RFC2: variants seen among roughly 807,000 people sequenced by gnomAD.
RFC2 encodes the protein A1 40 kDa subunit.
Under a neutral mutation model 44.8 loss-of-function variants are expected in RFC2, and 34 were observed. The ratio of observed to expected loss-of-function variants is 0.76; its 90% confidence interval spans 0.58 to 1.01. RFC2 has a LOEUF of 1.01. Among genes scored for constraint, RFC2 ranks in the 50% least tolerant of loss-of-function variants. The probability of loss-of-function intolerance (pLI) is 0.00; values close to 1 mark genes in which losing one functional copy is unlikely to be tolerated. For missense variants in RFC2, 400 were observed against 453.6 expected (o/e 0.88, Z 1.07); for synonymous variants, 177 against 168.9 (o/e 1.05, Z -0.37).
intron 10 of RFC2, among the ~76,000 whole-genome samples, chr7:74,232,494 C>T (rs1042255535): frequency 1.3e-5 from 2 of 152,080 alleles, no homozygotes; most frequent in African/African-American, 4.8e-5. Flanking sequence ...GGTGGTGGCA[C>T]GGAAAGCCAG....
At chr7:74,250,652 C>A (rs572172467) in intron 2 of RFC2, among the ~76,000 whole-genome samples, 1 of 152,258 alleles carries the variant, frequency 6.6e-6, no homozygotes, top group Non-Finnish European at 1.5e-5. Flanking sequence ...CCCTTCTCTC[C>A]ATCCCGGCTA....
chr7:74,244,696 A>C (rs1803503673), intron 5 of RFC2, among the ~76,000 whole-genome samples: 1 of 151,430 alleles, frequency 6.6e-6, no homozygotes, highest in Non-Finnish European at 1.5e-5. Flanking sequence ...CGCCAGGCAC[A>C]GCACCTCATG....
At chr7:74,234,432 A>G (rs1802893547) in intron 10 of RFC2, among the ~76,000 whole-genome samples, 1 of 152,144 alleles carries the variant, frequency 6.6e-6, no homozygotes, top group South Asian at 2.1e-4. Context: ...ATTTTACTCT[A>G]TGTAAATTAA....
At chr7:74,246,535 CTAT>C (rs1563996214) in intron 5 of RFC2, 124 bp downstream of exon 5, 2 of 569,034 alleles carry the variant, frequency 3.5e-6, no homozygotes, top group Non-Finnish European at 6.3e-6. Context: ...GTGCAGGCCC[CTAT>C]TAAATTGCTT....
rs200147928 is a variant in RFC2, at chr7:74,247,292, GA to G, written c.333-530del. Among the ~76,000 whole-genome samples, 41 of 152,126 alleles carry G rather than the reference GA, an allele frequency of 2.7e-4. No homozygotes were observed. The East Asian group carries it at 6.0e-3, about 22-fold the overall frequency. On this transcript the variant is annotated intron_variant, in intron 4 of 10. Transcript: ENST00000055077. Reference sequence around the variant, plus strand: ...ATTTTTCATTCTCTACCCACAACAGGAAAGAGAAAAAAATTGAGAGGAGGAC... The same window carrying G: ...ATTTTTCATTCTCTACCCACAACAGGAAGAGAAAAAAATTGAGAGGAGGAC...
chr7:74,251,373 T>G (rs916277196), intron 2 of RFC2, among the ~76,000 whole-genome samples: 2 of 152,058 alleles, frequency 1.3e-5, no homozygotes, highest in Admixed American at 6.5e-5. Flanking sequence ...AATTTTTTCG[T>G]AGAGACTGGT....
rs1194708280 is a variant in RFC2 at position 74,238,120 on chromosome 7, C to T, written c.760-678G>A. 3.3e-5 allele frequency among the ~76,000 whole-genome samples: 5 copies of T among 152,002 alleles called. No homozygotes were observed. The East Asian group carries it at 5.8e-4, about 18-fold the overall frequency. ...TGACCCTCCAAGACAAAACAGGGCC[C>T]GAACCATCACCCCTGTTTCTGAGCG... is the stretch of plus-strand genomic sequence containing the variant. On this transcript the variant is annotated intron_variant, in intron 8 of 10. Coordinates refer to ENST00000055077, the MANE Select transcript of RFC2 (RefSeq NM_181471.3). The surrounding 1 kb of genome is among the most constrained non-coding windows in gnomAD (Gnocchi z 4.0).
At position 74,238,780 on chromosome 7, in the gene RFC2, A is replaced by C; in HGVS notation, c.759+143T>G. 3 of 650,650 alleles carry C rather than the reference A, an allele frequency of 4.6e-6. No individual in the cohort carries two copies. The highest frequency in any genetic ancestry group is 8.3e-6 in the Non-Finnish European group (3 of 362,348). 40.3% of individuals were successfully genotyped at this position (650,650 alleles called of 1,614,324 possible). On this transcript the variant is annotated intron_variant, in intron 8 of 10. Transcript: ENST00000055077. The surrounding 1 kb of genome is among the most constrained non-coding windows in gnomAD (Gnocchi z 4.0). The stretch of plus-strand genomic sequence containing the variant: ...AGCAAAGCAGCAATAGGGAGAGGAC[A>C]GACGGGAGCAGGGTGGGCTCCCTGG...
At chr7:74,253,276 A>G (rs1160750222) in intron 1 of RFC2, among the ~76,000 whole-genome samples, 1 of 150,626 alleles carries the variant, frequency 6.6e-6, no homozygotes, top group Non-Finnish European at 1.5e-5. Flanking sequence ...GCTGGAGTGC[A>G]ATGGTGCGAT....
chr7:74,237,969 G>A (rs1397456870), intron 8 of RFC2, among the ~76,000 whole-genome samples: 2 of 152,144 alleles, frequency 1.3e-5, no homozygotes, highest in African/African-American at 4.8e-5. Flanking sequence ...AGTGGCATGA[G>A]GCTCTGCCTC....
intron 4 of RFC2, among the ~76,000 whole-genome samples, chr7:74,247,799 A>C (rs1203716086): frequency 1.3e-5 from 2 of 152,196 alleles, no homozygotes; most frequent in Non-Finnish European, 2.9e-5. Context: ...ATTTTCCCTA[A>C]CTGAAGAATC....
In RFC2 at chr7:74,239,991, T is replaced by C. The variant is rs1554719001; in HGVS notation, c.640A>G (p.Thr214Ala). The change falls in exon 7 of 11, where the codon ACT (threonine) becomes GCT (alanine). Residue 214 changes from threonine (T) to alanine (A), a missense_variant. By Grantham distance (58) the Thr-to-Ala change is moderately conservative. Transcript: ENST00000055077. ...NVIEKERVPY[T>A]DDGLEAIIFT... is the part of the protein sequence containing the mutation. ...ATGATGGCTTCTAGGCCGTCATCAG[T>C]GTAGGGTACCCTCTCCTTCTCGATA... The C allele has an allele frequency of 7.4e-6, 12 of 1,613,584 alleles. No individual in the cohort carries two copies. The highest frequency in any genetic ancestry group is 9.3e-6 in the Non-Finnish European group (11 of 1,179,826).
rs571759445 is a variant in RFC2, at chr7:74,252,462, A to G, written c.150T>C (p.Ile50=). 1.2e-6 allele frequency: 2 copies of G among 1,609,358 alleles called. No homozygotes were observed. Among genetic ancestry groups the G allele is most frequent in the African/African-American group, 2.7e-5 (2 of 74,826 alleles). Residue 50 remains isoleucine (I), a synonymous_variant, in exon 2 of 11, where the codon ATT becomes ATC. Transcript: ENST00000055077. ...EKYRPVKLNE[I]VGNEDTVSRL... ...TGCTCACGGTGTCTTCATTCCCGAC[A>G]ATTTCATTCAGCTTTACTGGCCTAT...
chr7:74,238,866 G>A lies in RFC2; in HGVS notation c.759+57C>T. ...CCAGCCCAGCCCTTCAGCCCCACTG[G>A]CCCCCACAGGGAAGCACGGCTTCTG... is the stretch of plus-strand genomic sequence containing the variant. On this transcript the variant is annotated intron_variant, in intron 8 of 10. Transcript: ENST00000055077. This position sits in a 1 kb window ranked among gnomAD's most constrained non-coding sequence, Gnocchi z 4.0. The A allele has an allele frequency of 7.1e-7, 1 of 1,411,390 alleles. No individual in the cohort carries two copies. The highest frequency in any genetic ancestry group is 1.0e-6 in the Non-Finnish European group (1 of 996,388). The allele number at this position is 1,411,390 out of a possible 1,614,324, so 87.4% of individuals were successfully genotyped here.
rs1803161072 is a variant in RFC2 at position 74,238,868 on chromosome 7, C to T, written c.759+55G>A. ...AGCCCAGCCCTTCAGCCCCACTGGCCCCCACAGGGAAGCACGGCTTCTGCT... is the reference window on the plus strand; with the variant it reads ...AGCCCAGCCCTTCAGCCCCACTGGCTCCCACAGGGAAGCACGGCTTCTGCT... On this transcript the variant is annotated intron_variant, in intron 8 of 10. Transcript: ENST00000055077. The surrounding 1 kb of genome is among the most constrained non-coding windows in gnomAD (Gnocchi z 4.0). 1 of 1,437,344 alleles carries T rather than the reference C, an allele frequency of 7.0e-7. No homozygotes were observed. Among genetic ancestry groups the T allele is most frequent in the Non-Finnish European group, 9.8e-7 (1 of 1,019,658 alleles). The allele number at this position is 1,437,344 out of a possible 1,614,324, so 89.0% of individuals were successfully genotyped here.
intron 5 of RFC2, among the ~76,000 whole-genome samples, chr7:74,245,799 A>T (rs938658449): frequency 8.6e-5 from 13 of 151,300 alleles, no homozygotes; most frequent in Non-Finnish European, 1.6e-4. Context: ...AGTGGCTCAC[A>T]CCTATAATCC....
chr7:74,251,969 G>C lies in RFC2; in HGVS notation c.183+460C>G, dbSNP rs188813478. Among the ~76,000 whole-genome samples the C allele has an allele frequency of 5.1e-4, 72 of 142,328 alleles. No homozygotes were observed. In the East Asian group the frequency reaches 0.014, roughly 28 times the overall value. 93.4% of individuals were successfully genotyped at this position (142,328 alleles called of 152,430 possible). A position where few individuals can be genotyped will look rare whatever the true frequency, so the allele number is the denominator to read the frequency against. ...AAAAAATTAGCCAGGCATGGTGGCG[G>C]GCGCCTGTAGTCCCAGTTACTCCGG... is the stretch of plus-strand genomic sequence containing the variant. On this transcript the variant is annotated intron_variant, in intron 2 of 10. Transcript: ENST00000055077.
At chr7:74,250,988 T>A (rs1216632215) in intron 2 of RFC2, among the ~76,000 whole-genome samples, 5 of 152,158 alleles carry the variant, frequency 3.3e-5, no homozygotes, top group Non-Finnish European at 1.5e-5. Context: ...GGTTTTGCCA[T>A]GTTGGCCAGG....
chr7:74,235,958 C>G (rs540104673), intron 9 of RFC2, among the ~76,000 whole-genome samples: 2 of 152,280 alleles, frequency 1.3e-5, no homozygotes, highest in Admixed American at 6.5e-5. Flanking sequence ...TGAGCCCAGC[C>G]TATCGCAAAT....
Sources: allele counts gnomAD v4.1 joint callset (sites outside exome capture counted in the v4.1 genomes callset), GRCh38; gene constraint gnomAD v4.1.1; non-coding constraint Gnocchi (gnomAD v3.1); transcripts MANE v1.5; gene names NCBI Gene and HGNC (gene_info 2026-07-23, HGNC 2026-07-21).